The following NLRP4 variants were observed in gnomAD, a reference collection of about 807,000 sequenced individuals.
NLRP4 encodes NLR family pyrin domain containing 4.
A neutral mutation model predicts 84.7 loss-of-function variants in NLRP4; 44 were observed. The ratio of observed to expected loss-of-function variants is 0.52; its 90% CI spans 0.41 to 0.67. NLRP4 has a LOEUF of 0.67. NLRP4 is among the 30% of genes least tolerant of loss of function. The probability of loss-of-function intolerance (pLI) is 0.00; values close to 1 mark genes in which losing one functional copy is unlikely to be tolerated. For missense variants in NLRP4, 1,260 were observed against 1,219.4 expected (o/e 1.03, Z -0.50); for synonymous variants, 544 against 476.4 (o/e 1.14, Z -1.85).
At chr19:55,869,062 G>A (rs916475648) in intron 6 of NLRP4, among the ~76,000 whole-genome samples, 2 of 152,078 alleles carry the variant, frequency 1.3e-5, no homozygotes, top group Non-Finnish European at 2.9e-5. Flanking sequence ...GAGTGATAAG[G>A]GACAAACAGG....
At position 55,836,598 on chromosome 19, in the gene NLRP4, TCTA is replaced by T. The variant is rs1983312037; in HGVS notation, c.-401_-399del. 1 of 152,614 alleles carries T rather than the reference TCTA, an allele frequency of 6.6e-6. No homozygotes were observed. The allele number at this position is 152,614 out of a possible 1,614,324, so 9.5% of individuals were successfully genotyped here. A position where few individuals can be genotyped will look rare whatever the true frequency, so the allele number is the denominator to read the frequency against. On this transcript the variant is annotated 5_prime_UTR_variant, in exon 1 of 10. An upstream start codon of the reference 5' UTR is lost. Coordinates refer to ENST00000301295, the MANE Select transcript of NLRP4 (RefSeq NM_134444.5). ...GCTTCGTGCTGGGCTGTTCGTCTCT[TCTA>T]TGTGCTGATTTCCTGGGTTACTTTG...
intron 1 of NLRP4, among the ~76,000 whole-genome samples, chr19:55,849,994 AC>A (rs1983986775): frequency 9.7e-5 from 1 of 10,262 alleles, no homozygotes; most frequent in African/African-American, 3.1e-4. Flanking sequence ...AATTTCCGAG[AC>A]TGCGGTGTGA....
intron 2 of NLRP4, among the ~76,000 whole-genome samples, chr19:55,855,666 GA>G (rs1361681078): frequency 6.6e-6 from 1 of 152,216 alleles, no homozygotes; most frequent in East Asian, 1.9e-4. Context: ...GGGGCATAGG[GA>G]AAATTTCCCA....
intron 1 of NLRP4, among the ~76,000 whole-genome samples, chr19:55,842,718 A>C (rs1192963017): frequency 2.0e-5 from 3 of 151,918 alleles, no homozygotes; most frequent in Non-Finnish European, 4.4e-5. Flanking sequence ...TTCTGTTGGA[A>C]AATTTGTCAT....
Position 55,858,335 on chromosome 19 carries a change from C to G in NLRP4, c.942C>G (p.Phe314Leu), listed in dbSNP as rs747424630. The change falls in exon 3 of 10, where the codon TTC becomes TTG. Residue 314 changes from phenylalanine to leucine, a missense_variant. Physicochemically the swap from Phe to Leu is conservative, Grantham distance 22. Coordinates refer to ENST00000301295, the MANE Select transcript of NLRP4 (RefSeq NM_134444.5). The surrounding 1 kb of genome is among the most constrained non-coding windows in gnomAD (Gnocchi z 4.2). ...ATAGGTTAGTGTATTTCTGCTGTTTCTTCAAAGACCCGAAAAGAGCCATGG... is the reference window on the plus strand; with the variant it reads ...ATAGGTTAGTGTATTTCTGCTGTTTGTTCAAAGACCCGAAAAGAGCCATGG... The part of the protein sequence containing the change: ...ESDRLVYFCC[F>L]FKDPKRAMEA... 5.6e-6 allele frequency: 9 copies of G among 1,614,162 alleles called. No homozygotes were observed. Among genetic ancestry groups the G allele is most frequent in the Non-Finnish European group, 7.6e-6 (9 of 1,180,022 alleles).
At chr19:55,864,758 T>A (rs1351988821) in intron 5 of NLRP4, among the ~76,000 whole-genome samples, 1 of 152,072 alleles carries the variant, frequency 6.6e-6, no homozygotes, top group Non-Finnish European at 1.5e-5. Context: ...TTATATTTAC[T>A]TATTTTTTAT....
At chr19:55,859,957 A>T (rs1257803397) in intron 3 of NLRP4, among the ~76,000 whole-genome samples, 3 of 138,574 alleles carry the variant, frequency 2.2e-5, no homozygotes, top group Non-Finnish European at 4.7e-5. Context: ...AAAAAACAAA[A>T]CACAAATCAT....
chr19:55,862,994 C>T (rs998778777), intron 5 of NLRP4, among the ~76,000 whole-genome samples: 1 of 152,144 alleles, frequency 6.6e-6, no homozygotes, highest in Non-Finnish European at 1.5e-5. Context: ...GGTGCACATT[C>T]GACAGAGGGA....
chr19:55,875,095 A>G lies in NLRP4; in HGVS notation c.2526-1901A>G, dbSNP rs547555145. ...AAACTATTTGGGAACTTCCTTGATG[A>G]TCTAAAGAATATGTTCAAAAAAATC... is the stretch of plus-strand genomic sequence containing the variant. On this transcript the variant is annotated intron_variant, in intron 7 of 9. Coordinates refer to ENST00000301295, the MANE Select transcript of NLRP4 (RefSeq NM_134444.5). Among the ~76,000 whole-genome samples, 249 of 152,326 alleles carry G rather than the reference A, an allele frequency of 1.6e-3. 1 individual carries two copies. Among genetic ancestry groups the G allele is most frequent in the Middle Eastern group, 3.4e-3 (1 of 294 alleles).
intron 1 of NLRP4, among the ~76,000 whole-genome samples, chr19:55,846,794 TTAAGA>T (rs1983812860): frequency 6.6e-6 from 1 of 152,108 alleles, no homozygotes; most frequent in Non-Finnish European, 1.5e-5. Context: ...GTTCCTATAA[TTAAGA>T]TTTTACTAAA....
chr19:55,881,490 A>C lies in NLRP4; in HGVS notation c.2888A>C (p.Asp963Ala). 9 of 1,597,072 alleles carry C rather than the reference A, an allele frequency of 5.6e-6. No individual in the cohort carries two copies. The highest frequency in any genetic ancestry group is 7.7e-6 in the Non-Finnish European group (9 of 1,165,236). Reference protein sequence around the residue: ...QVLGLRKTDFDEETQALLTAE... With the variant: ...QVLGLRKTDFAEETQALLTAE... ...ACCAGGCTGAGAAAAACTGATTTTGATGAGGAAACCCAGGCACTTCTGACG... is the reference window on the plus strand; with the variant it reads ...ACCAGGCTGAGAAAAACTGATTTTGCTGAGGAAACCCAGGCACTTCTGACG... Residue 963 changes from aspartate (D) to alanine (A), a missense_variant, in exon 10 of 10, where the codon GAT (aspartate) becomes GCT (alanine). By Grantham distance (126) the Asp-to-Ala change is moderately radical. This residue lies in a region of NLRP4 where 544 missense variants were observed against 531.7 expected (regional missense o/e 1.02). Coordinates refer to ENST00000301295, the MANE Select transcript of NLRP4 (RefSeq NM_134444.5).
rs150945432 is a variant in NLRP4 at position 55,870,998 on chromosome 19, G to A, written c.2525+1G>A. On this transcript the variant is annotated splice_donor_variant, in intron 7 of 9. Transcript: ENST00000301295. LOFTEE classifies it high-confidence loss of function. ...CGGACTGCTGCCTGGATTCACTGTG[G>A]TAGGCTTTTTGCTGTTTCTTTGAAG... The A allele has an allele frequency of 7.7e-4, 1,247 of 1,613,444 alleles. 1 individual carries two copies. Among genetic ancestry groups the A allele is most frequent in the Non-Finnish European group, 9.6e-4 (1,135 of 1,179,454 alleles).
intron 7 of NLRP4, among the ~76,000 whole-genome samples, chr19:55,875,038 A>C (rs1004264168): frequency 6.6e-6 from 1 of 152,224 alleles, no homozygotes; most frequent in Non-Finnish European, 1.5e-5. Context: ...TAAAATGCAG[A>C]AAAGTTTGAA....
intron 5 of NLRP4, among the ~76,000 whole-genome samples, chr19:55,866,660 A>G (rs1215773850): frequency 1.3e-5 from 2 of 152,198 alleles, no homozygotes; most frequent in East Asian, 3.9e-4. Context: ...TTGAGGAGAT[A>G]TTACTTGAGC....
At position 55,881,732 on chromosome 19, in the gene NLRP4, G is replaced by A; in HGVS notation, c.*145G>A. 1 of 522,454 alleles carries A rather than the reference G, an allele frequency of 1.9e-6. No individual in the cohort carries two copies. Among genetic ancestry groups the A allele is most frequent in the East Asian group, 3.1e-5 (1 of 32,538 alleles). The allele number at this position is 522,454 out of a possible 1,614,324, so 32.4% of individuals were successfully genotyped here. On this transcript the variant is annotated 3_prime_UTR_variant, in exon 10 of 10. Transcript: ENST00000301295. The stretch of plus-strand genomic sequence containing the variant: ...GGCACCCCATTCATAGATTTGATAT[G>A]ATACACGTGGTTTTTATGTGCTCTG...
chr19:55,880,091 T>TA (rs1345388023), intron 9 of NLRP4, among the ~76,000 whole-genome samples: 1 of 152,186 alleles, frequency 6.6e-6, no homozygotes, highest in African/African-American at 2.4e-5. Context: ...CATAGGCAGT[T>TA]ATTAGGCTGT....
intron 8 of NLRP4, among the ~76,000 whole-genome samples, chr19:55,878,152 A>G (rs1568676212): frequency 6.6e-6 from 1 of 152,170 alleles, no homozygotes; most frequent in Admixed American, 6.6e-5. Flanking sequence ...CTGTAGCCCC[A>G]GTTACTCAGG....
chr19:55,877,124 G>A lies in NLRP4; in HGVS notation c.2654G>A (p.Cys885Tyr), dbSNP rs764142568. 1.9e-6 allele frequency: 3 copies of A among 1,614,128 alleles called. No homozygotes were observed. The highest frequency in any genetic ancestry group is 1.1e-5 in the South Asian group (1 of 91,090). The change falls in exon 8 of 10, where the codon TGT (cysteine) becomes TAT (tyrosine). Residue 885 changes from cysteine (C) to tyrosine (Y), a missense_variant. By Grantham distance (194) the Cys-to-Tyr change is radical. Transcript: ENST00000301295. ...GGAGATGTGGGTGTGCAGCTGTTGT[G>A]TCGGGCTCTGACGCATACGGATTGC... ...EIGDVGVQLLCRALTHTDCRL... is the reference protein window; with the variant it reads ...EIGDVGVQLLYRALTHTDCRL...
chr19:55,860,049 G>C (rs185131757), intron 3 of NLRP4, among the ~76,000 whole-genome samples: 1,645 of 146,942 alleles, frequency 0.011, 34 homozygotes, highest in African/African-American at 0.039. Context: ...GCAGTGGCGA[G>C]ATCTTGGCTC....
Sources: allele counts gnomAD v4.1 joint callset (sites outside exome capture counted in the v4.1 genomes callset), GRCh38; gene constraint gnomAD v4.1.1; regional missense constraint gnomAD v4.1.1; non-coding constraint Gnocchi (gnomAD v3.1); transcripts MANE v1.5; gene names NCBI Gene and HGNC (gene_info 2026-07-23, HGNC 2026-07-21).